PRDM5: variants seen among roughly 807,000 people sequenced by gnomAD.
PRDM5 encodes the protein PR domain zinc finger protein 5.
A neutral mutation model predicts 81.2 loss-of-function variants in PRDM5; 56 were observed. That is an observed-to-expected ratio of 0.69 (90% CI 0.56 to 0.86). The LOEUF (loss-of-function observed/expected upper bound fraction) is 0.86, where lower values mean the gene tolerates loss of function less well. Among genes scored for constraint, PRDM5 ranks in the 40% least tolerant of loss-of-function variants. The probability of loss-of-function intolerance (pLI) is 0.00; values close to 1 mark genes in which losing one functional copy is unlikely to be tolerated. For synonymous variants in PRDM5, 267 were observed against 256.4 expected, an observed-to-expected ratio of 1.04 and a Z score of -0.39; for missense variants, 697 against 770.1, an observed-to-expected ratio of 0.91 and a Z score of 1.12.
At chr4:120,872,073 C>T (rs2148542811) in intron 2 of PRDM5, among the ~76,000 whole-genome samples, 1 of 149,376 alleles carries the variant, frequency 6.7e-6, no homozygotes, top group Non-Finnish European at 1.5e-5. Context: ...ATTGCTTGAA[C>T]CCGGGAGGCG....
At chr4:120,797,365 G>A (rs1561272806) in intron 10 of PRDM5, among the ~76,000 whole-genome samples, 1 of 152,136 alleles carries the variant, frequency 6.6e-6, no homozygotes, top group Non-Finnish European at 1.5e-5. Context: ...CCAGAGTGAT[G>A]CTTTGGGATG....
At chr4:120,846,914 A>G (rs343177) in intron 3 of PRDM5, among the ~76,000 whole-genome samples, 115,896 of 151,894 alleles carry the variant, frequency 0.76, 44,365 homozygotes, top group East Asian at 0.88. Context: ...TAAGTAACTT[A>G]CTCAGCCAGC....
Position 120,730,329 on chromosome 4 carries a change from T to C in PRDM5, c.1624-19916A>G, listed in dbSNP as rs1386188683. 3.3e-5 allele frequency among the ~76,000 whole-genome samples: 5 copies of C among 152,330 alleles called. No individual in the cohort carries two copies. In the East Asian group the frequency reaches 5.8e-4, roughly 18 times the overall value. ...ATATTAACCTTTCTTCTCTTCACCG[T>C]TGCAATATGCATATAAATATAATGT... On this transcript the variant is annotated intron_variant, in intron 14 of 15. Coordinates refer to ENST00000264808, the MANE Select transcript of PRDM5 (RefSeq NM_018699.4).
At chr4:120,850,135 CA>C (rs1759096701) in intron 3 of PRDM5, among the ~76,000 whole-genome samples, 1 of 152,000 alleles carries the variant, frequency 6.6e-6, no homozygotes, top group Admixed American at 6.6e-5. Context: ...ATCCCTTGTC[CA>C]AAAAAGTTGG....
chr4:120,750,831 C>T (rs1439594290), intron 14 of PRDM5, among the ~76,000 whole-genome samples: 1 of 151,964 alleles, frequency 6.6e-6, no homozygotes. Flanking sequence ...ATGAGATTCA[C>T]AGATGGCCCT....
intron 14 of PRDM5, among the ~76,000 whole-genome samples, chr4:120,719,486 T>G (rs1578466565): frequency 1.3e-5 from 2 of 152,202 alleles, no homozygotes; most frequent in Non-Finnish European, 1.5e-5. Flanking sequence ...GCCACTGGTC[T>G]GCGAGCCACA....
chr4:120,799,787 C>G, intron 8 of PRDM5, 42 bp from the exon 9 acceptor site: 1 of 1,597,052 alleles, frequency 6.3e-7, no homozygotes, highest in Non-Finnish European at 8.5e-7. Flanking sequence ...CTGTCAAAGC[C>G]TAGTAAATTA....
intron 13 of PRDM5, among the ~76,000 whole-genome samples, chr4:120,763,271 G>C (rs1032197009): frequency 3.0e-4 from 45 of 152,192 alleles, no homozygotes; most frequent in African/African-American, 9.9e-4. Context: ...GAAACAAAAA[G>C]TGAATTTTAC....
Position 120,781,184 on chromosome 4 carries a change from T to C in PRDM5, c.1402A>G (p.Lys468Glu). ...AGCACTGAAGGTGTAACAAAGGCCTTATTACATAGCTCACACCTATACTTC... is the reference window on the plus strand; with the variant it reads ...AGCACTGAAGGTGTAACAAAGGCCTCATTACATAGCTCACACCTATACTTC... Reference protein sequence around the residue: ...HKKYRCELCNKAFVTPSVLRS... With the variant: ...HKKYRCELCNEAFVTPSVLRS... Residue 468 changes from lysine (K) to glutamate (E), a missense_variant, in exon 12 of 16, where the codon AAG becomes GAG. By Grantham distance (56) the Lys-to-Glu change is moderately conservative. Coordinates refer to ENST00000264808, the MANE Select transcript of PRDM5 (RefSeq NM_018699.4). The C allele has an allele frequency of 6.2e-7, 1 of 1,613,534 alleles. No individual in the cohort carries two copies. The highest frequency in any genetic ancestry group is 2.2e-5 in the East Asian group (1 of 44,840).
intron 8 of PRDM5, among the ~76,000 whole-genome samples, chr4:120,808,183 T>C (rs996720883): frequency 1.3e-5 from 2 of 152,098 alleles, no homozygotes; most frequent in African/African-American, 2.4e-5. Flanking sequence ...CCTGCTTTTA[T>C]TCTCTTATCT....
At chr4:120,869,730 AG>A (rs1761578878) in intron 2 of PRDM5, among the ~76,000 whole-genome samples, 1 of 152,246 alleles carries the variant, frequency 6.6e-6, no homozygotes, top group Non-Finnish European at 1.5e-5. Context: ...CAGAAAAACT[AG>A]AAAGACAAGT....
intron 14 of PRDM5, among the ~76,000 whole-genome samples, chr4:120,744,712 T>C (rs897696074): frequency 1.7e-4 from 25 of 150,444 alleles, no homozygotes; most frequent in Admixed American, 1.5e-3. Flanking sequence ...ACACATACAC[T>C]CTCCCAAGAC....
intron 2 of PRDM5, among the ~76,000 whole-genome samples, chr4:120,860,362 C>T (rs759968508): frequency 3.3e-5 from 5 of 151,930 alleles, no homozygotes; most frequent in Non-Finnish European, 7.4e-5. Flanking sequence ...ATGTCTTTGC[C>T]TTTCAAAGTA....
At chr4:120,838,863 T>G (rs950445600) in intron 3 of PRDM5, 93 of 230,036 alleles carry the variant, frequency 4.0e-4, no homozygotes, top group African/African-American at 1.9e-3. Flanking sequence ...ATTCCACACC[T>G]GCCAAGGGAG....
chr4:120,721,159 GC>G (rs1738541600), intron 14 of PRDM5, among the ~76,000 whole-genome samples: 1 of 152,174 alleles, frequency 6.6e-6, no homozygotes, highest in Non-Finnish European at 1.5e-5. Flanking sequence ...CAGCTCAAAA[GC>G]CTTGTTTTCC....
At chr4:120,802,645 CCTAA>C (rs1752303580) in intron 8 of PRDM5, among the ~76,000 whole-genome samples, 1 of 152,194 alleles carries the variant, frequency 6.6e-6, no homozygotes, top group Admixed American at 6.5e-5. Context: ...AGTTGAGGGT[CCTAA>C]CTGTTAGAAG....
intron 2 of PRDM5, among the ~76,000 whole-genome samples, chr4:120,880,106 G>T (rs888850038): frequency 6.6e-6 from 1 of 151,904 alleles, no homozygotes; most frequent in Non-Finnish European, 1.5e-5. Context: ...GGAAAATGGG[G>T]GTAACACGAG....
At chr4:120,779,028 T>C (rs1380609817) in intron 12 of PRDM5, among the ~76,000 whole-genome samples, 1 of 152,176 alleles carries the variant, frequency 6.6e-6, no homozygotes, top group Non-Finnish European at 1.5e-5. Context: ...TAATTACTAA[T>C]TTATTTGTAA....
chr4:120,831,067 G>GA (rs1025953435), intron 3 of PRDM5, among the ~76,000 whole-genome samples: 17 of 151,476 alleles, frequency 1.1e-4, no homozygotes, highest in African/African-American at 1.7e-4. Flanking sequence ...AGTGGCTTTT[G>GA]AAAAAAAATA....
Sources: gnomAD v4.1 joint callset for allele counts (sites outside exome capture counted in the v4.1 genomes callset) on GRCh38, gnomAD v4.1.1 for gene constraint, MANE v1.5 for transcripts, NCBI Gene and HGNC (gene_info 2026-07-23, HGNC 2026-07-21) for gene names.